The following CATSPERE variants were observed in gnomAD, a reference collection of about 807,000 sequenced individuals.
CATSPERE encodes cation channel sperm-associated auxiliary subunit epsilon.
In CATSPERE, 93 loss-of-function variants were observed where a neutral mutation model predicts 114.1. That is an observed-to-expected ratio of 0.81 (90% CI 0.69 to 0.97). CATSPERE has a LOEUF of 0.97. Ranked by LOEUF, CATSPERE falls within the 50% of genes least tolerant of loss-of-function variation. CATSPERE has a pLI of 0.00. For missense variants in CATSPERE, 1,058 were observed against 1,131.6 expected (o/e 0.93, Z 0.93); for synonymous variants, 341 against 384.1 (o/e 0.89, Z 1.31).
At chr1:244,593,339 T>G in intron 15 of CATSPERE, 56 bp from the exon 16 acceptor site, 1 of 1,575,984 alleles carries the variant, frequency 6.3e-7, no homozygotes, top group Non-Finnish European at 8.7e-7. Flanking sequence ...AGTCATGGGT[T>G]TAGTTTTAAG....
rs553610972 is a variant in CATSPERE, at chr1:244,519,063, G to A, written c.536+365G>A. On this transcript the variant is annotated intron_variant, in intron 8 of 21. Transcript: ENST00000366534. ...ACACACCACAAATTCTACCTGAAAGGCAAGATACATTACTGTTAAAGTTAG... is the reference window on the plus strand; with the variant it reads ...ACACACCACAAATTCTACCTGAAAGACAAGATACATTACTGTTAAAGTTAG... Among the ~76,000 whole-genome samples, 6 of 152,128 alleles carry A rather than the reference G, an allele frequency of 3.9e-5. No homozygotes were observed. The South Asian group carries it at 1.0e-3, about 26-fold the overall frequency.
chr1:244,477,799 C>G, intron 3 of CATSPERE, 107 bp from the exon 4 acceptor site: 6 of 990,736 alleles, frequency 6.1e-6, no homozygotes, highest in South Asian at 3.2e-5. Context: ...TTAAAAATAT[C>G]TCTTATCAGC....
intron 8 of CATSPERE, among the ~76,000 whole-genome samples, chr1:244,536,516 G>A (rs888026179): frequency 6.6e-6 from 1 of 152,182 alleles, no homozygotes; most frequent in South Asian, 2.1e-4. Context: ...TCTGCCTGGT[G>A]TTGCTTTCCG....
chr1:244,595,457 G>T (rs1668265403), intron 17 of CATSPERE, among the ~76,000 whole-genome samples: 1 of 152,140 alleles, frequency 6.6e-6, no homozygotes, highest in Non-Finnish European at 1.5e-5. Context: ...AATTCTGCTG[G>T]GTAAGTCTTT....
intron 21 of CATSPERE, among the ~76,000 whole-genome samples, chr1:244,637,051 C>G (rs1479379029): frequency 2.0e-5 from 3 of 152,060 alleles, no homozygotes; most frequent in African/African-American, 7.2e-5. Context: ...GGAAACCAGA[C>G]TCTCCCCCGA....
intron 20 of CATSPERE, among the ~76,000 whole-genome samples, chr1:244,634,028 T>C (rs1030469909): frequency 6.6e-6 from 1 of 152,108 alleles, no homozygotes; most frequent in African/African-American, 2.4e-5. Context: ...CACACCTGGC[T>C]AATTTTTTGT....
chr1:244,473,478 G>GT (rs914037516), intron 2 of CATSPERE, among the ~76,000 whole-genome samples: 4 of 152,014 alleles, frequency 2.6e-5, no homozygotes, highest in East Asian at 1.9e-4. Flanking sequence ...AGTTTTAAGA[G>GT]TTTTTTTGTG....
At chr1:244,622,886 G>A (rs1672576271) in intron 20 of CATSPERE, among the ~76,000 whole-genome samples, 3 of 152,012 alleles carry the variant, frequency 2.0e-5, no homozygotes, top group Admixed American at 6.5e-5. Flanking sequence ...GAGCACTTCT[G>A]CGAGTAAAAT....
intron 8 of CATSPERE, among the ~76,000 whole-genome samples, chr1:244,543,138 G>A (rs3003243): frequency 0.99 from 151,211 of 152,312 alleles, 75,067 homozygotes; most frequent in Middle Eastern, 1. Context: ...TTCTAAGTGT[G>A]TATCCAAAGG....
At chr1:244,556,993 T>C (rs1188983529) in intron 9 of CATSPERE, among the ~76,000 whole-genome samples, 1 of 152,166 alleles carries the variant, frequency 6.6e-6, no homozygotes, top group African/African-American at 2.4e-5. Context: ...TCTATCTGGA[T>C]TGTGTTCTTT....
chr1:244,548,188 G>T (rs577613585), intron 8 of CATSPERE, among the ~76,000 whole-genome samples: 42 of 152,360 alleles, frequency 2.8e-4, no homozygotes, highest in African/African-American at 9.4e-4. Context: ...AAATGGATAG[G>T]ATGACCCATT....
chr1:244,595,054 A>G (rs1668210547), intron 17 of CATSPERE, among the ~76,000 whole-genome samples: 1 of 152,092 alleles, frequency 6.6e-6, no homozygotes, highest in African/African-American at 2.4e-5. Context: ...TGTTTATGTA[A>G]TGCTTAACCT....
chr1:244,530,195 C>T (rs376958117), intron 8 of CATSPERE, among the ~76,000 whole-genome samples: 1 of 152,190 alleles, frequency 6.6e-6, no homozygotes, highest in East Asian at 1.9e-4. Flanking sequence ...GCAGTCCCCA[C>T]CAGCTCAGCC....
At chr1:244,484,019 A>G (rs1380506184) in intron 5 of CATSPERE, among the ~76,000 whole-genome samples, 2 of 152,152 alleles carry the variant, frequency 1.3e-5, no homozygotes, top group Non-Finnish European at 2.9e-5. Flanking sequence ...TATTTTTTCT[A>G]CATGAATAAT....
intron 12 of CATSPERE, among the ~76,000 whole-genome samples, chr1:244,582,890 C>A (rs1223924028): frequency 7.5e-6 from 1 of 134,202 alleles, no homozygotes; most frequent in Non-Finnish European, 1.5e-5. Context: ...CTGGTAAGTG[C>A]TATGAAGAAA....
intron 18 of CATSPERE, among the ~76,000 whole-genome samples, chr1:244,606,661 G>T (rs1411535592): frequency 6.7e-6 from 1 of 148,604 alleles, no homozygotes; most frequent in Non-Finnish European, 1.5e-5. Context: ...GAGTGCAGTG[G>T]TGCAGTCTCA....
intron 8 of CATSPERE, among the ~76,000 whole-genome samples, chr1:244,540,985 C>T (rs1325470189): frequency 8.6e-5 from 4 of 46,712 alleles, no homozygotes; most frequent in African/African-American, 2.4e-4. Context: ...CCCTTCCTTA[C>T]ACCTTATACA....
At position 244,560,653 on chromosome 1, in the gene CATSPERE, T is replaced by C; in HGVS notation, c.1030-15T>C. 7.1e-7 allele frequency: 1 copy of C among 1,405,952 alleles called. No homozygotes were observed. The highest frequency in any genetic ancestry group is 9.4e-7 in the Non-Finnish European group (1 of 1,065,666). 87.1% of individuals were successfully genotyped at this position (1,405,952 alleles called of 1,614,324 possible). A position where few individuals can be genotyped will look rare whatever the true frequency, so the allele number is the denominator to read the frequency against. Reference sequence around the variant, plus strand: ...AAATCGAAGATCTTTCTCATCATTTTTCATTTTGTCACAGGCTAAAGGAAG... The same window carrying C: ...AAATCGAAGATCTTTCTCATCATTTCTCATTTTGTCACAGGCTAAAGGAAG... On this transcript the variant is annotated splice_polypyrimidine_tract_variant and intron_variant, in intron 9 of 21. Coordinates refer to ENST00000366534, the MANE Select transcript of CATSPERE (RefSeq NM_001130957.2).
intron 17 of CATSPERE, among the ~76,000 whole-genome samples, chr1:244,598,139 G>A (rs1363592356): frequency 1.3e-5 from 2 of 152,106 alleles, no homozygotes; most frequent in Non-Finnish European, 2.9e-5. Context: ...TTTGGGGATG[G>A]CATTCTCGTC....
Sources: gnomAD v4.1 joint callset for allele counts (sites outside exome capture counted in the v4.1 genomes callset) on GRCh38, gnomAD v4.1.1 for gene constraint, MANE v1.5 for transcripts, NCBI Gene and HGNC (gene_info 2026-07-23, HGNC 2026-07-21) for gene names.